Variants in PXDC1 observed in about 807,000 individuals in gnomAD.
PXDC1 encodes PX domain-containing protein 1.
A neutral mutation model predicts 24.4 loss-of-function variants in PXDC1; 13 were observed. That is an observed-to-expected ratio of 0.53 (90% CI 0.35 to 0.85). The LOEUF is 0.85. Among genes scored for constraint, PXDC1 ranks in the 40% least tolerant of loss-of-function variants. The pLI, the probability that PXDC1 is intolerant of heterozygous loss-of-function variation, is 0.01. For synonymous variants in PXDC1, 162 were observed against 124.9 expected, an observed-to-expected ratio of 1.30 and a Z score of -1.98; for missense variants, 344 against 309.3, an observed-to-expected ratio of 1.11 and a Z score of -0.84.
Position 3,751,641 on chromosome 6 carries a change from GGGGTCGGCCC to G in PXDC1, c.-120_-111del. ...GGTCTGTCCGTGGCCGGGGTCGTCC[GGGGTCGGCCC>G]GTCACTCCAAGGAGGCTGCGTATGG... On this transcript the variant is annotated 5_prime_UTR_variant, in exon 1 of 5. Transcript: ENST00000380283. 3 of 1,337,080 alleles carry G rather than the reference GGGGTCGGCCC, an allele frequency of 2.2e-6. No individual in the cohort carries two copies. The highest frequency in any genetic ancestry group is 2.9e-6 in the Non-Finnish European group (3 of 1,049,496). The allele number at this position is 1,337,080 out of a possible 1,614,324, so 82.8% of individuals were successfully genotyped here.
At chr6:3,729,859 A>G (rs1281518573) in intron 3 of PXDC1, among the ~76,000 whole-genome samples, 1 of 152,200 alleles carries the variant, frequency 6.6e-6, no homozygotes, top group Non-Finnish European at 1.5e-5. Context: ...GTGGCCTACA[A>G]GTTAAAACAA....
chr6:3,738,701 A>G (rs1760385552), intron 1 of PXDC1: 1 of 1,094,272 alleles, frequency 9.1e-7, no homozygotes, highest in Non-Finnish European at 1.2e-6. Context: ...GACACGACTC[A>G]TGCCACTTTC....
rs943979126 is a variant in PXDC1, at chr6:3,724,535, G to A, written c.579-799C>T. 6.6e-6 allele frequency among the ~76,000 whole-genome samples: 1 copy of A among 152,324 alleles called. No individual in the cohort carries two copies. The highest frequency in any genetic ancestry group is 2.4e-5 in the African/African-American group (1 of 41,584). ...GAAGGACATTCTCCCCAGGAAGGGGGACAGAGCTGTACGGCTCGTGGGATT... is the reference window on the plus strand; with the variant it reads ...GAAGGACATTCTCCCCAGGAAGGGGAACAGAGCTGTACGGCTCGTGGGATT... On this transcript the variant is annotated intron_variant, in intron 4 of 4. Transcript: ENST00000380283. This position sits in a 1 kb window ranked among gnomAD's most constrained non-coding sequence, Gnocchi z 4.5.
At chr6:3,738,933 C>T in intron 1 of PXDC1, 1 of 1,301,840 alleles carries the variant, frequency 7.7e-7, no homozygotes, top group Non-Finnish European at 1.0e-6. Flanking sequence ...CTGGCGTCTC[C>T]CCCACACTTG....
chr6:3,730,753 G>C (rs1581242910), intron 3 of PXDC1, among the ~76,000 whole-genome samples: 1 of 152,206 alleles, frequency 6.6e-6, no homozygotes, highest in South Asian at 2.1e-4. Context: ...CGGGACCAGG[G>C]AGCCTGACTT....
At chr6:3,740,441 AT>A (rs1760427678) in intron 1 of PXDC1, among the ~76,000 whole-genome samples, 1 of 152,172 alleles carries the variant, frequency 6.6e-6, no homozygotes, top group East Asian at 1.9e-4. Flanking sequence ...CTAAAAACAT[AT>A]TTGCTGTTTG....
intron 3 of PXDC1, among the ~76,000 whole-genome samples, chr6:3,733,055 G>A (rs1288082519): frequency 6.6e-6 from 1 of 152,240 alleles, no homozygotes; most frequent in Non-Finnish European, 1.5e-5. Context: ...ACATCAAAAG[G>A]CTAGCGTGGG....
At chr6:3,730,941 G>A (rs910166816) in intron 3 of PXDC1, among the ~76,000 whole-genome samples, 1 of 152,226 alleles carries the variant, frequency 6.6e-6, no homozygotes, top group African/African-American at 2.4e-5. Flanking sequence ...TTCTTGCTCA[G>A]TTTCTTCATC....
rs982828241 is a variant in PXDC1, at chr6:3,725,537, G to T, written c.579-1801C>A. On this transcript the variant is annotated intron_variant, in intron 4 of 4. Coordinates refer to ENST00000380283, the MANE Select transcript of PXDC1 (RefSeq NM_183373.4). This position sits in a 1 kb window ranked among gnomAD's most constrained non-coding sequence, Gnocchi z 4.8. ...TGCCCCTGGGGCCAGACTCGGGGCA[G>T]CCTGCTGAGACTCTGCTGTGGGGGC... is the stretch of plus-strand genomic sequence containing the variant. Among the ~76,000 whole-genome samples, 8 of 152,230 alleles carry T rather than the reference G, an allele frequency of 5.3e-5. No individual in the cohort carries two copies. The highest frequency in any genetic ancestry group is 1.2e-4 in the Non-Finnish European group (8 of 68,020).
In PXDC1 at chr6:3,751,415, G is replaced by A. The variant is rs780956434; in HGVS notation, c.117C>T (p.Phe39=). 9.5e-6 allele frequency: 15 copies of A among 1,581,964 alleles called. No individual in the cohort carries two copies. The Admixed American group carries it at 1.2e-4, about 13-fold the overall frequency. Reference sequence around the variant, plus strand: ...GGTCCGACCACTCCGTGCGGATCTCGAAGAACTCCTCTTCGTCGCCGCGCC... The same window carrying A: ...GGTCCGACCACTCCGTGCGGATCTCAAAGAACTCCTCTTCGTCGCCGCGCC... ...VSRRGDEEEF[F]EIRTEWSDRS... The change falls in exon 1 of 5, where the codon TTC becomes TTT. Residue 39 remains phenylalanine (F), a synonymous_variant. Transcript: ENST00000380283.
intron 1 of PXDC1, among the ~76,000 whole-genome samples, chr6:3,750,774 G>A (rs899014318): frequency 2.0e-4 from 31 of 152,108 alleles, no homozygotes; most frequent in African/African-American, 7.2e-4. Context: ...GGCACCTCGC[G>A]CTCGAAGACC....
rs537134057 is a variant in PXDC1, at chr6:3,725,521, G to A, written c.579-1785C>T. Among the ~76,000 whole-genome samples the A allele has an allele frequency of 2.8e-4, 43 of 152,326 alleles. No individual in the cohort carries two copies. The highest frequency in any genetic ancestry group is 9.6e-4 in the African/African-American group (40 of 41,594). On this transcript the variant is annotated intron_variant, in intron 4 of 4. Transcript: ENST00000380283. The surrounding 1 kb of genome is among the most constrained non-coding windows in gnomAD (Gnocchi z 4.8). ...GGCACTGGTGCCCACTTGCCCCTGGGGCCAGACTCGGGGCAGCCTGCTGAG... is the reference window on the plus strand; with the variant it reads ...GGCACTGGTGCCCACTTGCCCCTGGAGCCAGACTCGGGGCAGCCTGCTGAG...
chr6:3,729,120 T>C (rs1306148833), intron 3 of PXDC1, among the ~76,000 whole-genome samples: 1 of 152,136 alleles, frequency 6.6e-6, no homozygotes, highest in Non-Finnish European at 1.5e-5. Flanking sequence ...TCGGATGCCT[T>C]AGTTGCTTGG....
Position 3,738,168 on chromosome 6 carries a change from G to A in PXDC1, c.257-20C>T. The stretch of plus-strand genomic sequence containing the variant: ...CCAGTCCTAGAATTGAGACAGAAAT[G>A]CTCAAAGTCAGAATAGCACACCAGG... On this transcript the variant is annotated intron_variant, in intron 1 of 4. Coordinates refer to ENST00000380283, the MANE Select transcript of PXDC1 (RefSeq NM_183373.4). The A allele has an allele frequency of 6.3e-7, 1 of 1,592,992 alleles. No individual in the cohort carries two copies. Among genetic ancestry groups the A allele is most frequent in the Non-Finnish European group, 8.6e-7 (1 of 1,160,818 alleles).
chr6:3,739,952 G>A (rs565516232), intron 1 of PXDC1, among the ~76,000 whole-genome samples: 1 of 152,308 alleles, frequency 6.6e-6, no homozygotes, highest in South Asian at 2.1e-4. Context: ...TTAAAGAGAA[G>A]ACAATTATAT....
chr6:3,751,418 G>T lies in PXDC1; in HGVS notation c.114C>A (p.Phe38Leu). 6.3e-7 allele frequency: 1 copy of T among 1,583,582 alleles called. No homozygotes were observed. The highest frequency in any genetic ancestry group is 8.6e-7 in the Non-Finnish European group (1 of 1,165,898). ...IVSRRGDEEEFFEIRTEWSDR... is the reference protein window; with the variant it reads ...IVSRRGDEEELFEIRTEWSDR... Reference sequence around the variant, plus strand: ...CCGACCACTCCGTGCGGATCTCGAAGAACTCCTCTTCGTCGCCGCGCCGGC... The same window carrying T: ...CCGACCACTCCGTGCGGATCTCGAATAACTCCTCTTCGTCGCCGCGCCGGC... Residue 38 changes from phenylalanine to leucine, a missense_variant, in exon 1 of 5, where the codon TTC becomes TTA. Transcript: ENST00000380283.
chr6:3,751,651 C>G lies in PXDC1; in HGVS notation c.-120G>C. ...TGGCCGGGGTCGTCCGGGGTCGGCC[C>G]GTCACTCCAAGGAGGCTGCGTATGG... On this transcript the variant is annotated 5_prime_UTR_variant, in exon 1 of 5. Coordinates refer to ENST00000380283, the MANE Select transcript of PXDC1 (RefSeq NM_183373.4). The G allele has an allele frequency of 7.5e-7, 1 of 1,329,736 alleles. No homozygotes were observed. 82.4% of individuals were successfully genotyped at this position (1,329,736 alleles called of 1,614,324 possible).
Position 3,749,033 on chromosome 6 carries a change from T to C in PXDC1, c.256+2243A>G, listed in dbSNP as rs1760637175. Among the ~76,000 whole-genome samples the C allele has an allele frequency of 2.0e-5, 3 of 152,208 alleles. No individual in the cohort carries two copies. In the South Asian group the frequency reaches 6.2e-4, roughly 32 times the overall value. On this transcript the variant is annotated intron_variant, in intron 1 of 4. Coordinates refer to ENST00000380283, the MANE Select transcript of PXDC1 (RefSeq NM_183373.4). The stretch of plus-strand genomic sequence containing the variant: ...TATTTTACTTGGCAAACAATTTCCC[T>C]GGACTTAAAAGGATCAAAGAAAGGG...
rs928582585 is a variant in PXDC1, at chr6:3,727,537, A to G, written c.578+14T>C. ...GGACAGTCTATGAAACGATATTCAA[A>G]TCAGCATACTTACAAATGCTCTGTT... is the stretch of plus-strand genomic sequence containing the variant. On this transcript the variant is annotated intron_variant, in intron 4 of 4. Coordinates refer to ENST00000380283, the MANE Select transcript of PXDC1 (RefSeq NM_183373.4). The G allele has an allele frequency of 5.9e-6, 9 of 1,534,300 alleles. 1 individual carries two copies. Among genetic ancestry groups the G allele is most frequent in the Non-Finnish European group, 8.1e-6 (9 of 1,107,516 alleles).
Sources: gnomAD v4.1 joint callset for allele counts (sites outside exome capture counted in the v4.1 genomes callset) on GRCh38, gnomAD v4.1.1 for gene constraint, Gnocchi (gnomAD v3.1) non-coding constraint, MANE v1.5 for transcripts, NCBI Gene and HGNC (gene_info 2026-07-23, HGNC 2026-07-21) for gene names.